Variants in RGS7BP observed in about 807,000 individuals in gnomAD.
The protein encoded by RGS7BP is regulator of G protein signaling 7 binding protein.
In RGS7BP, 9 loss-of-function variants were observed where a neutral mutation model predicts 31.3. The observed-to-expected ratio is 0.29, with a 90% CI of 0.17 to 0.50. The LOEUF is 0.50. Ranked by LOEUF, RGS7BP falls within the 20% of genes least tolerant of loss-of-function variation. The probability of loss-of-function intolerance (pLI) is 0.98; values close to 1 mark genes in which losing one functional copy is unlikely to be tolerated. For missense variants in RGS7BP, 274 were observed against 322.0 expected, an observed-to-expected ratio of 0.85 and a Z score of 1.14; for synonymous variants, 115 against 120.1, an observed-to-expected ratio of 0.96 and a Z score of 0.28.
chr5:64,538,853 T>C (rs922129077), intron 2 of RGS7BP, among the ~76,000 whole-genome samples: 2 of 152,102 alleles, frequency 1.3e-5, no homozygotes, highest in African/African-American at 2.4e-5. Flanking sequence ...ATGTAGCCTT[T>C]GAGTCTAGCT....
chr5:64,569,804 T>C (rs927940403), intron 2 of RGS7BP, among the ~76,000 whole-genome samples: 7 of 152,198 alleles, frequency 4.6e-5, no homozygotes, highest in African/African-American at 9.6e-5. Context: ...CTCACTCTCC[T>C]TGGAGAAGTC....
At chr5:64,527,377 A>G (rs1232320833) in intron 2 of RGS7BP, among the ~76,000 whole-genome samples, 1 of 152,126 alleles carries the variant, frequency 6.6e-6, no homozygotes, top group African/African-American at 2.4e-5. Context: ...TATATTTTTA[A>G]ATCTCAGCAG....
chr5:64,583,096 T>A (rs1201011278), intron 3 of RGS7BP, among the ~76,000 whole-genome samples: 1 of 152,136 alleles, frequency 6.6e-6, no homozygotes, highest in Non-Finnish European at 1.5e-5. Context: ...TGATTAAGAC[T>A]GAAGAGGTAG....
chr5:64,590,691 G>A (rs1297645286), intron 3 of RGS7BP, among the ~76,000 whole-genome samples: 2 of 152,006 alleles, frequency 1.3e-5, no homozygotes, highest in South Asian at 2.1e-4. Context: ...ATTCAAAAAT[G>A]TCAGTGGAAA....
intron 2 of RGS7BP, among the ~76,000 whole-genome samples, chr5:64,534,186 A>G (rs1749446206): frequency 6.6e-6 from 1 of 152,168 alleles, no homozygotes; most frequent in South Asian, 2.1e-4. Context: ...TGCCAGGCAG[A>G]AGGAGGAGTG....
At position 64,524,420 on chromosome 5, in the gene RGS7BP, G is replaced by A. The variant is rs139289291; in HGVS notation, c.332+16543G>A. Among the ~76,000 whole-genome samples, 280 of 152,216 alleles carry A rather than the reference G, an allele frequency of 1.8e-3. 1 individual carries two copies. The highest frequency in any genetic ancestry group is 6.6e-3 in the African/African-American group (272 of 41,522). On this transcript the variant is annotated intron_variant, in intron 2 of 5. Transcript: ENST00000334025. ...GATCAAGAAATGTGGGTATTACCGC[G>A]GAGTGATGTCTAGGGAAGAAATGTG...
At chr5:64,554,638 A>G (rs1223115354) in intron 2 of RGS7BP, among the ~76,000 whole-genome samples, 1 of 152,226 alleles carries the variant, frequency 6.6e-6, no homozygotes, top group Non-Finnish European at 1.5e-5. Context: ...AGTCTGCTGA[A>G]TATGAGATCA....
intron 2 of RGS7BP, among the ~76,000 whole-genome samples, chr5:64,542,861 C>A (rs1473449974): frequency 6.6e-6 from 1 of 152,184 alleles, no homozygotes; most frequent in African/African-American, 2.4e-5. Context: ...ATGCTTGTCT[C>A]TTTTATATGC....
chr5:64,589,417 A>G (rs1742849536), intron 3 of RGS7BP, among the ~76,000 whole-genome samples: 1 of 152,100 alleles, frequency 6.6e-6, no homozygotes, highest in Non-Finnish European at 1.5e-5. Context: ...AGACAAACTG[A>G]CTCACATTCT....
At chr5:64,512,961 G>A (rs542320540) in intron 2 of RGS7BP, among the ~76,000 whole-genome samples, 7 of 152,216 alleles carry the variant, frequency 4.6e-5, no homozygotes, top group Non-Finnish European at 8.8e-5. Context: ...TATGTCATTG[G>A]ACAAGTCTGT....
At chr5:64,534,726 A>G (rs1749462191) in intron 2 of RGS7BP, among the ~76,000 whole-genome samples, 1 of 152,224 alleles carries the variant, frequency 6.6e-6, no homozygotes. Context: ...ATTAATACCC[A>G]TTAAAAGATA....
At chr5:64,561,754 T>A (rs1374774144) in intron 2 of RGS7BP, among the ~76,000 whole-genome samples, 1 of 152,180 alleles carries the variant, frequency 6.6e-6, no homozygotes, top group Non-Finnish European at 1.5e-5. Context: ...TGATCTTACA[T>A]AATTTATGCC....
At chr5:64,590,259 A>G (rs1742877000) in intron 3 of RGS7BP, among the ~76,000 whole-genome samples, 1 of 152,056 alleles carries the variant, frequency 6.6e-6, no homozygotes, top group African/African-American at 2.4e-5. Flanking sequence ...AGAGAAGAAA[A>G]TCTATTTTCG....
intron 2 of RGS7BP, among the ~76,000 whole-genome samples, chr5:64,559,253 C>G (rs1374047543): frequency 6.6e-6 from 1 of 152,118 alleles, no homozygotes; most frequent in East Asian, 1.9e-4. Flanking sequence ...CTTTTGTACT[C>G]TTTCCCTTTA....
At chr5:64,521,662 G>A (rs949387361) in intron 2 of RGS7BP, among the ~76,000 whole-genome samples, 6 of 152,052 alleles carry the variant, frequency 3.9e-5, no homozygotes, top group African/African-American at 9.7e-5. Context: ...ATTTATCTTA[G>A]AATTAAAGAA....
chr5:64,561,289 A>C (rs1742049162), intron 2 of RGS7BP, among the ~76,000 whole-genome samples: 1 of 152,222 alleles, frequency 6.6e-6, no homozygotes, highest in South Asian at 2.1e-4. Context: ...AAGAAAAAAT[A>C]TAAAATGATT....
intron 2 of RGS7BP, among the ~76,000 whole-genome samples, chr5:64,512,661 G>C (rs182940425): frequency 6.6e-6 from 1 of 152,130 alleles, no homozygotes; most frequent in African/African-American, 2.4e-5. Flanking sequence ...AGATTGCCGA[G>C]ATACATTTAT....
rs1485995304 is a variant in RGS7BP, at chr5:64,610,999, G to C, written c.*1747G>C. On this transcript the variant is annotated 3_prime_UTR_variant, in exon 6 of 6. Transcript: ENST00000334025. ...TAATGCATGGTTATAGGTATACCTG[G>C]CTTCAAAAAAAAGAAGTAGCCGTGG... 6.6e-6 allele frequency: 1 copy of C among 151,684 alleles called. No homozygotes were observed. Among genetic ancestry groups the C allele is most frequent in the Non-Finnish European group, 1.5e-5 (1 of 67,860 alleles). The allele number at this position is 151,684 out of a possible 1,614,324, so 9.4% of individuals were successfully genotyped here.
At chr5:64,526,680 G>A (rs541430595) in intron 2 of RGS7BP, among the ~76,000 whole-genome samples, 10 of 152,228 alleles carry the variant, frequency 6.6e-5, no homozygotes, top group South Asian at 4.2e-4. Context: ...CAGATGATCA[G>A]GCCAGCTTAC....
Sources: gnomAD v4.1 joint callset for allele counts (sites outside exome capture counted in the v4.1 genomes callset) on GRCh38, gnomAD v4.1.1 for gene constraint, MANE v1.5 for transcripts, NCBI Gene and HGNC (gene_info 2026-07-23, HGNC 2026-07-21) for gene names.